TNNI3K: variants seen among roughly 807,000 people sequenced by gnomAD.
TNNI3K encodes serine/threonine-protein kinase TNNI3K.
Under a neutral mutation model 114.5 loss-of-function variants are expected in TNNI3K, and 140 were observed. The ratio of observed to expected loss-of-function variants is 1.22; its 90% CI spans 1.07 to 1.41. TNNI3K has a LOEUF of 1.41. TNNI3K is among the 40% of genes most tolerant of loss of function. The pLI is 0.00. For synonymous variants in TNNI3K, 347 were observed against 347.5 expected (o/e 1.00, Z 0.02); for missense variants, 1,125 against 1,007.6 (o/e 1.12, Z -1.58).
chr1:74,279,851 A>G (rs1003582034), intron 5 of TNNI3K, among the ~76,000 whole-genome samples: 1 of 152,216 alleles, frequency 6.6e-6, no homozygotes. Flanking sequence ...TATTAAAATA[A>G]GAAGAAAGTT....
chr1:74,408,454 C>T (rs1049261591), intron 17 of TNNI3K, among the ~76,000 whole-genome samples: 1 of 152,200 alleles, frequency 6.6e-6, no homozygotes, highest in African/African-American at 2.4e-5. Flanking sequence ...ATAACTTCCA[C>T]ATTGCCCAAT....
chr1:74,444,125 C>T (rs1666516710), intron 20 of TNNI3K, among the ~76,000 whole-genome samples: 1 of 152,192 alleles, frequency 6.6e-6, no homozygotes, highest in African/African-American at 2.4e-5. Context: ...TCTCTCATTA[C>T]TCCATTCAAC....
chr1:74,541,734 C>G (rs1022128824), intron 24 of TNNI3K: 1 of 152,136 alleles, frequency 6.6e-6, no homozygotes, highest in Non-Finnish European at 1.5e-5. Flanking sequence ...CTATGCATAC[C>G]TGTCTCAGGG....
chr1:74,529,878 G>A (rs1328730777), intron 23 of TNNI3K, among the ~76,000 whole-genome samples: 1 of 152,144 alleles, frequency 6.6e-6, no homozygotes, highest in Non-Finnish European at 1.5e-5. Flanking sequence ...GTGAACCAGG[G>A]CTTGTTCTTC....
intron 4 of TNNI3K, among the ~76,000 whole-genome samples, chr1:74,267,112 C>T (rs1326357432): frequency 9.9e-5 from 15 of 151,958 alleles, no homozygotes; most frequent in Admixed American, 9.9e-4. Context: ...CCACAAGACT[C>T]TTTTCTAAAC....
At chr1:74,316,513 C>T (rs1329780748) in intron 5 of TNNI3K, among the ~76,000 whole-genome samples, 1 of 152,024 alleles carries the variant, frequency 6.6e-6, no homozygotes, top group East Asian at 1.9e-4. Flanking sequence ...GGACCTTTGA[C>T]CTGCTTTTCT....
rs894662114 is a variant in TNNI3K at position 74,331,406 on chromosome 1, A to G, written c.445-44A>G. ...TTGTAAACTGAATCTTAATAGGCAG[A>G]TAACTCAACTGAAGTTCTTAACCAT... On this transcript the variant is annotated intron_variant, in intron 5 of 24. Transcript: ENST00000326637. 2.5e-6 allele frequency: 4 copies of G among 1,589,040 alleles called. No individual in the cohort carries two copies. The African/African-American group carries it at 4.0e-5, about 16-fold the overall frequency.
At chr1:74,482,978 A>G (rs553244686) in intron 21 of TNNI3K, among the ~76,000 whole-genome samples, 4 of 152,340 alleles carry the variant, frequency 2.6e-5, no homozygotes, top group African/African-American at 9.6e-5. Flanking sequence ...CAAAGATATT[A>G]AAGTGATATA....
intron 4 of TNNI3K, among the ~76,000 whole-genome samples, chr1:74,265,767 T>C (rs1655939971): frequency 6.6e-6 from 1 of 151,622 alleles, no homozygotes; most frequent in Non-Finnish European, 1.5e-5. Flanking sequence ...AGACAAAAAC[T>C]GGACAGCTCA....
intron 9 of TNNI3K, among the ~76,000 whole-genome samples, chr1:74,351,789 A>G (rs1258942823): frequency 6.6e-6 from 1 of 152,070 alleles, no homozygotes; most frequent in African/African-American, 2.4e-5. Flanking sequence ...TTCGTCACGT[A>G]GTTTTCGTGC....
intron 24 of TNNI3K, 113 bp from the exon 25 acceptor site, chr1:74,543,793 A>G (rs1646756097): frequency 1.7e-6 from 2 of 1,187,724 alleles, no homozygotes; most frequent in Non-Finnish European, 2.5e-6. Context: ...ACCGTTGTCC[A>G]GATTGTCTGT....
intron 20 of TNNI3K, among the ~76,000 whole-genome samples, chr1:74,451,423 C>A (rs1570638301): frequency 6.6e-6 from 1 of 151,906 alleles, no homozygotes; most frequent in African/African-American, 2.4e-5. Context: ...GAATCAATGT[C>A]CAATTTTTTG....
intron 9 of TNNI3K, among the ~76,000 whole-genome samples, chr1:74,348,606 G>A (rs1032315431): frequency 6.6e-6 from 1 of 152,092 alleles, no homozygotes. Context: ...CCATTTTCAC[G>A]ACATTGATTC....
At chr1:74,485,484 T>C (rs947679349) in intron 21 of TNNI3K, among the ~76,000 whole-genome samples, 9 of 152,158 alleles carry the variant, frequency 5.9e-5, no homozygotes, top group Non-Finnish European at 2.9e-5. Context: ...TACTGCGTAT[T>C]TGTGATAAGC....
chr1:74,427,081 A>G (rs916325560), intron 17 of TNNI3K, among the ~76,000 whole-genome samples: 2 of 151,896 alleles, frequency 1.3e-5, no homozygotes, highest in Admixed American at 1.3e-4. Context: ...TGTCTGCTAC[A>G]TTTCTGCTAT....
chr1:74,486,735 A>T (rs1451054211), intron 21 of TNNI3K, among the ~76,000 whole-genome samples: 1 of 152,132 alleles, frequency 6.6e-6, no homozygotes, highest in Non-Finnish European at 1.5e-5. Context: ...TTGGGGCAAT[A>T]AAAAGCTTAA....
intron 23 of TNNI3K, chr1:74,512,423 A>AT (rs1477374009): frequency 6.6e-6 from 1 of 152,204 alleles, no homozygotes; most frequent in Non-Finnish European, 1.5e-5. Flanking sequence ...CCACATGATC[A>AT]TCTGTTTATA....
intron 20 of TNNI3K, among the ~76,000 whole-genome samples, chr1:74,462,655 T>C (rs1667500814): frequency 6.6e-6 from 1 of 152,212 alleles, no homozygotes; most frequent in Non-Finnish European, 1.5e-5. Flanking sequence ...TGATGCCTGA[T>C]ACAAAATGCA....
In TNNI3K at chr1:74,353,330, A is replaced by G. The variant is rs759888691; in HGVS notation, c.997A>G (p.Ile333Val). The G allele has an allele frequency of 6.2e-6, 10 of 1,614,020 alleles. No individual in the cohort carries two copies. The highest frequency in any genetic ancestry group is 7.6e-6 in the Non-Finnish European group (9 of 1,179,988). The change falls in exon 10 of 25, where the codon ATC becomes GTC. Residue 333 changes from isoleucine to valine, a missense_variant. Ile to Val is a conservative substitution (Grantham distance 29, BLOSUM62 3). Transcript: ENST00000326637. ...TCTTCTTGATCAGAATGTCATAAAC[A>G]TCAACCACCAAGGAAGGGATGGGCA... ...KFLLDQNVIN[I>V]NHQGRDGHTG...
Sources: gnomAD v4.1 joint callset for allele counts (sites outside exome capture counted in the v4.1 genomes callset) on GRCh38, gnomAD v4.1.1 for gene constraint, MANE v1.5 for transcripts, NCBI Gene and HGNC (gene_info 2026-07-23, HGNC 2026-07-21) for gene names.